The following CACNB2 variants were observed in gnomAD, a reference collection of about 807,000 sequenced individuals.
CACNB2 encodes voltage-dependent L-type calcium channel subunit beta-2.
A neutral mutation model predicts 73.3 loss-of-function variants in CACNB2; 42 were observed. The ratio of observed to expected loss-of-function variants is 0.57; its 90% confidence interval spans 0.45 to 0.74. CACNB2 has a LOEUF of 0.74. Among genes scored for constraint, CACNB2 ranks in the 30% least tolerant of loss-of-function variants. The probability of loss-of-function intolerance (pLI) is 0.00; values close to 1 mark genes in which losing one functional copy is unlikely to be tolerated. For missense variants in CACNB2, 940 were observed against 853.0 expected, an observed-to-expected ratio of 1.10 and a Z score of -1.27; for synonymous variants, 348 against 310.3, an observed-to-expected ratio of 1.12 and a Z score of -1.28.
rs530968860 is a variant in CACNB2 at position 18,300,321 on chromosome 10, G to A, written c.214-101603G>A. ...ATAGGCGTGAGCCACCACGCCCAGC[G>A]GTGTTGTGTATTAATATCTCTGTAT... On this transcript the variant is annotated intron_variant, in intron 2 of 13. Transcript: ENST00000324631. Among the ~76,000 whole-genome samples the A allele has an allele frequency of 1.4e-3, 219 of 152,184 alleles. 3 individuals are homozygous for A. Among genetic ancestry groups the A allele is most frequent in the African/African-American group, 4.9e-3 (205 of 41,538 alleles).
At chr10:18,398,277 A>G (rs1298065810) in intron 2 of CACNB2, among the ~76,000 whole-genome samples, 1 of 152,228 alleles carries the variant, frequency 6.6e-6, no homozygotes, top group East Asian at 1.9e-4. Flanking sequence ...GAAACATGCT[A>G]CTATTTAACT....
At chr10:18,488,830 A>C (rs952271661) in intron 3 of CACNB2, among the ~76,000 whole-genome samples, 2 of 151,774 alleles carry the variant, frequency 1.3e-5, no homozygotes, top group African/African-American at 4.8e-5. Context: ...CTTTGGAGAG[A>C]GAGAGATTTT....
At chr10:18,212,365 T>A (rs2035352412) in intron 2 of CACNB2, among the ~76,000 whole-genome samples, 3 of 14,166 alleles carry the variant, frequency 2.1e-4, no homozygotes, top group African/African-American at 5.0e-4. Context: ...TATATTGTGT[T>A]TTTTTGCTTT....
At chr10:18,325,406 G>T (rs2040543995) in intron 2 of CACNB2, among the ~76,000 whole-genome samples, 1 of 151,876 alleles carries the variant, frequency 6.6e-6, no homozygotes, top group African/African-American at 2.4e-5. Flanking sequence ...CGTTGCCAAG[G>T]CTGGTCTTGA....
At chr10:18,485,169 A>T (rs1176158965) in intron 3 of CACNB2, among the ~76,000 whole-genome samples, 1 of 152,188 alleles carries the variant, frequency 6.6e-6, no homozygotes, top group Non-Finnish European at 1.5e-5. Flanking sequence ...GTTTCAAAAC[A>T]TATTGTAGGA....
intron 7 of CACNB2, 128 bp downstream of exon 7, chr10:18,514,497 C>G (rs780713990): frequency 3.1e-6 from 5 of 1,613,916 alleles, no homozygotes; most frequent in Non-Finnish European, 4.2e-6. Flanking sequence ...TGTTTCTTTT[C>G]CATGCTGCTG....
At chr10:18,338,035 G>T (rs2041075607) in intron 2 of CACNB2, among the ~76,000 whole-genome samples, 1 of 152,078 alleles carries the variant, frequency 6.6e-6, no homozygotes, top group African/African-American at 2.4e-5. Flanking sequence ...CACACCAAAA[G>T]CTCAGGCAAC....
intron 5 of CACNB2, among the ~76,000 whole-genome samples, chr10:18,505,245 GAAAAAA>G (rs759211484): frequency 8.1e-6 from 1 of 123,406 alleles, no homozygotes; most frequent in African/African-American, 2.9e-5. Context: ...TAATACTTCA[GAAAAAA>G]AAAAAAAACT....
At chr10:18,523,173 C>A (rs941356151) in intron 9 of CACNB2, among the ~76,000 whole-genome samples, 4 of 152,126 alleles carry the variant, frequency 2.6e-5, no homozygotes, top group African/African-American at 9.7e-5. Context: ...GTTTCTTTAT[C>A]CTTGGCTCTG....
intron 3 of CACNB2, among the ~76,000 whole-genome samples, chr10:18,475,994 G>GA (rs1234804967): frequency 6.6e-6 from 1 of 152,164 alleles, no homozygotes; most frequent in Non-Finnish European, 1.5e-5. Context: ...GTTAAAAAAA[G>GA]AAAAAAGAAT....
At chr10:18,391,629 G>A (rs1472417558) in intron 2 of CACNB2, among the ~76,000 whole-genome samples, 2 of 151,916 alleles carry the variant, frequency 1.3e-5, no homozygotes, top group African/African-American at 4.8e-5. Flanking sequence ...TATGTTAGAA[G>A]GTAAAAACAC....
intron 2 of CACNB2, among the ~76,000 whole-genome samples, chr10:18,357,126 G>A (rs1202643094): frequency 2.7e-5 from 4 of 149,690 alleles, no homozygotes; most frequent in Non-Finnish European, 4.4e-5. Context: ...TGTATTTTTA[G>A]TAGAGACGGG....
chr10:18,426,992 G>A (rs1305098987), intron 3 of CACNB2, among the ~76,000 whole-genome samples: 6 of 22,794 alleles, frequency 2.6e-4, no homozygotes, highest in African/African-American at 1.1e-3. Context: ...TTTTGTACTT[G>A]TTGCCCAGGT....
At chr10:18,497,508 C>A (rs371932473) in intron 3 of CACNB2, among the ~76,000 whole-genome samples, 1 of 152,022 alleles carries the variant, frequency 6.6e-6, no homozygotes, top group Admixed American at 6.6e-5. Flanking sequence ...CAGCATAGAC[C>A]CCCTGGGCTT....
chr10:18,212,500 C>G (rs1410511421), intron 2 of CACNB2, among the ~76,000 whole-genome samples: 2 of 152,058 alleles, frequency 1.3e-5, no homozygotes, highest in Non-Finnish European at 2.9e-5. Flanking sequence ...AATATGAGTA[C>G]CAAGTTGTGA....
intron 2 of CACNB2, among the ~76,000 whole-genome samples, chr10:18,384,817 G>A (rs1474943615): frequency 6.6e-6 from 1 of 150,708 alleles, no homozygotes; most frequent in Non-Finnish European, 1.5e-5. Context: ...AAAAAATCAA[G>A]CATTACAAGA....
chr10:18,345,278 C>A (rs2041402738), intron 2 of CACNB2, among the ~76,000 whole-genome samples: 1 of 152,096 alleles, frequency 6.6e-6, no homozygotes, highest in Admixed American at 6.5e-5. Flanking sequence ...TACCAGTGGA[C>A]AATGCCAGTA....
At chr10:18,455,773 T>A (rs1404058268) in intron 3 of CACNB2, among the ~76,000 whole-genome samples, 1 of 152,230 alleles carries the variant, frequency 6.6e-6, no homozygotes, top group African/African-American at 2.4e-5. Context: ...TGCTTTAGTA[T>A]GATAATAAGA....
chr10:18,272,653 T>TA (rs35350800), intron 2 of CACNB2, among the ~76,000 whole-genome samples: 76,552 of 151,862 alleles, frequency 0.5, 19,944 homozygotes, highest in East Asian at 0.73. Flanking sequence ...GAACAAGTCT[T>TA]ACAATATCTG....
Sources: gnomAD v4.1 joint callset for allele counts (sites outside exome capture counted in the v4.1 genomes callset) on GRCh38, gnomAD v4.1.1 for gene constraint, MANE v1.5 for transcripts, NCBI Gene and HGNC (gene_info 2026-07-23, HGNC 2026-07-21) for gene names.